MKLN1: variants seen among roughly 807,000 people sequenced by gnomAD.
MKLN1 encodes the protein muskelin.
A neutral mutation model predicts 99.0 loss-of-function variants in MKLN1; 18 were observed. The ratio of observed to expected loss-of-function variants is 0.18; its 90% confidence interval spans 0.13 to 0.27. The LOEUF is 0.27. MKLN1 is among the 10% of genes least tolerant of loss of function. The pLI is 1.00. For synonymous variants in MKLN1, 288 were observed against 293.2 expected, an observed-to-expected ratio of 0.98 and a Z score of 0.18; for missense variants, 621 against 875.9, an observed-to-expected ratio of 0.71 and a Z score of 3.67.
At chr7:131,478,045 T>G (rs1490220019) in intron 16 of MKLN1, among the ~76,000 whole-genome samples, 1 of 152,256 alleles carries the variant, frequency 6.6e-6, no homozygotes, top group South Asian at 2.1e-4. Context: ...CCTGGAAATC[T>G]AAGCAACATT....
At chr7:131,319,590 C>G (rs1250310671) in intron 3 of MKLN1, among the ~76,000 whole-genome samples, 1 of 152,028 alleles carries the variant, frequency 6.6e-6, no homozygotes, top group Admixed American at 6.6e-5. Flanking sequence ...GAAGTTCTGG[C>G]CCAGGGCACT....
rs189745822 is a variant in MKLN1, at chr7:131,264,482, C to A, written c.-179+61508C>A. Among the ~76,000 whole-genome samples the A allele has an allele frequency of 5.5e-3, 842 of 152,176 alleles. 6 individuals carry two copies. The highest frequency in any genetic ancestry group is 8.3e-3 in the Non-Finnish European group (561 of 68,000). On this transcript the variant is annotated intron_variant, in intron 3 of 7. Transcript: ENST00000416992. ...AAGTGACCCAGGGAAATATAAGGAA[C>A]TAATTTTGAATAGTTTCATTTTCAA...
At chr7:131,459,834 C>G (rs565369499) in intron 12 of MKLN1, among the ~76,000 whole-genome samples, 1 of 152,102 alleles carries the variant, frequency 6.6e-6, no homozygotes, top group South Asian at 2.1e-4. Context: ...ACACCCAGTT[C>G]AGGGAAACTT....
At chr7:131,192,170 TA>T (rs1468363869) in intron 2 of MKLN1, among the ~76,000 whole-genome samples, 3,168 of 98,676 alleles carry the variant, frequency 0.032, 327 homozygotes, top group Admixed American at 0.043. Context: ...TACTTATGTA[TA>T]ATATATAAAA....
chr7:131,266,305 T>C (rs1797808519), intron 3 of MKLN1, among the ~76,000 whole-genome samples: 1 of 152,116 alleles, frequency 6.6e-6, no homozygotes, highest in Non-Finnish European at 1.5e-5. Context: ...CTTGCAATAG[T>C]TGTGGGCAAT....
chr7:131,156,757 A>G (rs1795975332), intron 2 of MKLN1, among the ~76,000 whole-genome samples: 1 of 152,186 alleles, frequency 6.6e-6, no homozygotes, highest in Non-Finnish European at 1.5e-5. Flanking sequence ...CGATGGGTTT[A>G]TCAGGACATA....
chr7:131,120,548 CA>C (rs55945614), intron 1 of MKLN1, among the ~76,000 whole-genome samples: 1 of 98,126 alleles, frequency 1.0e-5, no homozygotes, highest in Admixed American at 1.3e-4. Flanking sequence ...GACTCCCTCT[CA>C]AAAAAAAAAA....
intron 1 of MKLN1, among the ~76,000 whole-genome samples, chr7:131,352,901 G>C (rs1038996666): frequency 6.6e-6 from 1 of 152,072 alleles, no homozygotes; most frequent in Non-Finnish European, 1.5e-5. Flanking sequence ...TTCCACCTCT[G>C]TCCCTTCAAC....
intron 3 of MKLN1, among the ~76,000 whole-genome samples, chr7:131,251,369 TG>T (rs1297667621): frequency 2.0e-5 from 3 of 152,202 alleles, no homozygotes; most frequent in Non-Finnish European, 4.4e-5. Context: ...AAAGCTGGGT[TG>T]GCTTTGGCCG....
chr7:131,140,106 C>T (rs1795709095), intron 1 of MKLN1, among the ~76,000 whole-genome samples: 1 of 152,218 alleles, frequency 6.6e-6, no homozygotes, highest in African/African-American at 2.4e-5. Context: ...TCTGACCTGA[C>T]TGCTGCCTCC....
intron 1 of MKLN1, among the ~76,000 whole-genome samples, chr7:131,343,192 T>G (rs946383166): frequency 6.6e-6 from 1 of 152,224 alleles, no homozygotes; most frequent in Non-Finnish European, 1.5e-5. Flanking sequence ...ATTTCTTGAA[T>G]GTAGGAATTT....
At chr7:131,207,060 G>C (rs926487814) in intron 3 of MKLN1, among the ~76,000 whole-genome samples, 8 of 152,110 alleles carry the variant, frequency 5.3e-5, no homozygotes, top group Non-Finnish European at 1.2e-4. Flanking sequence ...CAGAGGCTAA[G>C]GTTTTGGTGA....
At chr7:131,229,820 C>G (rs920015896) in intron 3 of MKLN1, among the ~76,000 whole-genome samples, 2 of 152,140 alleles carry the variant, frequency 1.3e-5, no homozygotes, top group East Asian at 3.9e-4. Context: ...TCCCGAAGTG[C>G]TAGGATTACA....
At chr7:131,449,562 A>T (rs1796118856) in intron 12 of MKLN1, among the ~76,000 whole-genome samples, 1 of 152,196 alleles carries the variant, frequency 6.6e-6, no homozygotes, top group African/African-American at 2.4e-5. Context: ...TTCCCACCTA[A>T]AACTGTTGCA....
chr7:131,307,822 C>T (rs918889517), intron 3 of MKLN1, among the ~76,000 whole-genome samples: 1 of 152,228 alleles, frequency 6.6e-6, no homozygotes, highest in South Asian at 2.1e-4. Flanking sequence ...TGGACTGTGA[C>T]CTTTTGAGTT....
At chr7:131,292,550 C>T (rs1798236898) in intron 3 of MKLN1, among the ~76,000 whole-genome samples, 1 of 152,120 alleles carries the variant, frequency 6.6e-6, no homozygotes, top group Non-Finnish European at 1.5e-5. Flanking sequence ...GACTGCTGTC[C>T]TTATAAGAAG....
rs1224385182 is a variant in MKLN1 at position 131,132,947 on chromosome 7, AAAAG to A, written c.-418-9841_-418-9838del. On this transcript the variant is annotated intron_variant, in intron 1 of 7. Transcript: ENST00000416992. ...TCTCAAAAAAAAAAAAAAAAAAAAA[AAAAG>A]AAAGAAAGAAAGAAAGAAAGAAAGA... Among the ~76,000 whole-genome samples the A allele has an allele frequency of 6.6e-3, 371 of 56,582 alleles. 10 individuals are homozygous for A. Among genetic ancestry groups the A allele is most frequent in the Admixed American group, 0.03 (96 of 3,244 alleles). The allele number at this position is 56,582 out of a possible 152,430, so 37.1% of individuals were successfully genotyped here. A position where few individuals can be genotyped will look rare whatever the true frequency, so the allele number is the denominator to read the frequency against.
intron 2 of MKLN1, among the ~76,000 whole-genome samples, chr7:131,196,350 G>A (rs1179237595): frequency 2.0e-5 from 3 of 152,108 alleles, no homozygotes; most frequent in Non-Finnish European, 4.4e-5. Flanking sequence ...ACAAGCTTAA[G>A]GATTTTTATG....
chr7:131,362,631 G>A (rs200904438), intron 1 of MKLN1, among the ~76,000 whole-genome samples: 3 of 151,960 alleles, frequency 2.0e-5, no homozygotes, highest in Admixed American at 1.3e-4. Flanking sequence ...GTCCAATTAT[G>A]TTACGTTATA....
Sources: allele counts gnomAD v4.1 joint callset (sites outside exome capture counted in the v4.1 genomes callset), GRCh38; gene constraint gnomAD v4.1.1; transcripts MANE v1.5; gene names NCBI Gene and HGNC (gene_info 2026-07-23, HGNC 2026-07-21).